NR2C1: variants seen among roughly 807,000 people sequenced by gnomAD.
NR2C1 encodes TR2 nuclear hormone receptor.
Under a neutral mutation model 74.8 loss-of-function variants are expected in NR2C1, and 33 were observed. The ratio of observed to expected loss-of-function variants is 0.44; its 90% confidence interval spans 0.33 to 0.59. NR2C1 has a LOEUF of 0.59. Among genes scored for constraint, NR2C1 ranks in the 20% least tolerant of loss-of-function variants. The pLI, the probability that NR2C1 is intolerant of heterozygous loss-of-function variation, is 0.02. For missense variants in NR2C1, 568 were observed against 715.6 expected, an observed-to-expected ratio of 0.79 and a Z score of 2.35; for synonymous variants, 225 against 240.6, an observed-to-expected ratio of 0.94 and a Z score of 0.60.
At chr12:95,067,454 C>G in intron 1 of NR2C1, 63 bp from the exon 2 acceptor site, 2 of 1,185,932 alleles carry the variant, frequency 1.7e-6, no homozygotes, top group Non-Finnish European at 2.5e-6. Flanking sequence ...AAATAATTTA[C>G]AAATAAAACT....
At chr12:95,050,531 A>C (rs1441501171) in intron 8 of NR2C1, among the ~76,000 whole-genome samples, 1 of 151,344 alleles carries the variant, frequency 6.6e-6, no homozygotes, top group Admixed American at 6.6e-5. Context: ...CTGGTCTCAA[A>C]CTCCTGACCT....
chr12:95,062,470 T>C (rs1202252642), intron 3 of NR2C1, 38 bp downstream of exon 3: 1 of 1,404,708 alleles, frequency 7.1e-7, no homozygotes, highest in Non-Finnish European at 9.7e-7. Flanking sequence ...TTTTTTTTTA[T>C]ATATGTAAGA....
chr12:95,028,875 C>T (rs1471883574), intron 11 of NR2C1, among the ~76,000 whole-genome samples: 1 of 152,074 alleles, frequency 6.6e-6, no homozygotes, highest in Admixed American at 6.5e-5. Context: ...GTGATTAGCC[C>T]ACCTGTGCCT....
chr12:95,026,207 C>CAA (rs757466478), intron 12 of NR2C1, among the ~76,000 whole-genome samples: 10 of 98,730 alleles, frequency 1.0e-4, no homozygotes, highest in Non-Finnish European at 1.3e-4. Flanking sequence ...ACTCCGTCTC[C>CAA]AAAAAAAAAA....
At chr12:95,054,288 C>T (rs1732171394) in intron 7 of NR2C1, among the ~76,000 whole-genome samples, 1 of 150,916 alleles carries the variant, frequency 6.6e-6, no homozygotes, top group Non-Finnish European at 1.5e-5. Flanking sequence ...TGGCTGACTG[C>T]CAAAGTCTAT....
In NR2C1 at chr12:95,057,962, G is replaced by A. The variant is rs139550322; in HGVS notation, c.545-84C>T. On this transcript the variant is annotated intron_variant, in intron 5 of 13. Coordinates refer to ENST00000333003, the MANE Select transcript of NR2C1 (RefSeq NM_003297.4). ...GTAAGCTGTAGGTAAGCTTAATGCTGCTAATAGGAGACATGGCTACCATAC... is the reference window on the plus strand; with the variant it reads ...GTAAGCTGTAGGTAAGCTTAATGCTACTAATAGGAGACATGGCTACCATAC... 1.9e-4 allele frequency: 208 copies of A among 1,111,620 alleles called. 1 individual carries two copies. In the African/African-American group the frequency reaches 2.6e-3, roughly 14 times the overall value. 68.9% of individuals were successfully genotyped at this position (1,111,620 alleles called of 1,614,324 possible).
At chr12:95,031,101 C>T (rs1870044409) in intron 11 of NR2C1, among the ~76,000 whole-genome samples, 1 of 152,204 alleles carries the variant, frequency 6.6e-6, no homozygotes, top group Non-Finnish European at 1.5e-5. Flanking sequence ...CAAAAATTCA[C>T]AAGGCCTGGT....
intron 1 of NR2C1, among the ~76,000 whole-genome samples, chr12:95,067,885 T>TC (rs1875967488): frequency 2.0e-5 from 3 of 147,732 alleles, no homozygotes; most frequent in Non-Finnish European, 3.0e-5. Flanking sequence ...TATCTTTTTT[T>TC]TTTTTTTTTT....
chr12:95,051,666 T>G, intron 8 of NR2C1, 96 bp downstream of exon 8: 4 of 1,122,876 alleles, frequency 3.6e-6, no homozygotes, highest in Non-Finnish European at 2.5e-6. Flanking sequence ...ATTTGTTTTC[T>G]GAAACTTTTA....
Position 95,025,249 on chromosome 12 carries a change from G to C in NR2C1, c.1538C>G (p.Pro513Arg), listed in dbSNP as rs1235695465. The C allele has an allele frequency of 6.4e-7, 1 of 1,566,538 alleles. No homozygotes were observed. The highest frequency in any genetic ancestry group is 8.7e-7 in the Non-Finnish European group (1 of 1,143,100). The change falls in exon 13 of 14, where the codon CCA (proline) becomes CGA (arginine). Residue 513 changes from proline (P) to arginine (R), a missense_variant. By Grantham distance (103) the Pro-to-Arg change is moderately radical. Transcript: ENST00000333003. ...KAIVLFSPDH[P>R]SLENMEQIEK... ...TATCTGTTCCATGTTTTCTAGGCTT[G>C]GATGATCTGAAACATTAAAGAAAAC...
rs368710314 is a variant in NR2C1, at chr12:95,057,617, A to G, written c.719T>C (p.Met240Thr). ...TCCAGATGGATGAATATTCATGAAC[A>G]TTCCTGAATCTAACAGTCCTGTTGA... ...TRSTGLLDSGMFMNIHPSGVK... is the reference protein window; with the variant it reads ...TRSTGLLDSGTFMNIHPSGVK... The change falls in exon 7 of 14, where the codon ATG (methionine) becomes ACG (threonine). Residue 240 changes from methionine (M) to threonine (T), a missense_variant. Transcript: ENST00000333003. 2.5e-6 allele frequency: 4 copies of G among 1,613,900 alleles called. No individual in the cohort carries two copies. The African/African-American group carries it at 4.0e-5, about 16-fold the overall frequency.
At chr12:95,056,802 C>CA (rs1434087289) in intron 7 of NR2C1, among the ~76,000 whole-genome samples, 3 of 151,668 alleles carry the variant, frequency 2.0e-5, no homozygotes, top group Non-Finnish European at 4.4e-5. Context: ...ACTAAAAATA[C>CA]AAAAAAATTA....
intron 10 of NR2C1, among the ~76,000 whole-genome samples, chr12:95,036,512 CT>C (rs776220936): frequency 4.9e-3 from 682 of 139,896 alleles, no homozygotes; most frequent in South Asian, 8.0e-3. Flanking sequence ...TGTGGGTTTA[CT>C]TTTTTTTTTT....
chr12:95,057,540 G>A lies in NR2C1; in HGVS notation c.783+13C>T, dbSNP rs749368731. On this transcript the variant is annotated intron_variant, in intron 7 of 13. Transcript: ENST00000333003. ...CTTAAAATTATCTAAGCTTTAAATT[G>A]TACTAAACACACCTTATCTGATGTC... 9 of 1,569,214 alleles carry A rather than the reference G, an allele frequency of 5.7e-6. No homozygotes were observed. Among genetic ancestry groups the A allele is most frequent in the Admixed American group, 1.8e-5 (1 of 55,194 alleles).
intron 10 of NR2C1, among the ~76,000 whole-genome samples, chr12:95,038,100 T>G (rs1428921686): frequency 6.6e-6 from 1 of 152,182 alleles, no homozygotes; most frequent in African/African-American, 2.4e-5. Context: ...GATCAAGTTA[T>G]TCTAATTACA....
chr12:95,067,119 G>T, intron 2 of NR2C1: 4 of 559,896 alleles, frequency 7.1e-6, no homozygotes, highest in East Asian at 6.3e-5. Flanking sequence ...TTTCTTCTGT[G>T]CTCCCATTGC....
At chr12:95,036,507 G>A (rs1456792475) in intron 10 of NR2C1, among the ~76,000 whole-genome samples, 1 of 150,032 alleles carries the variant, frequency 6.7e-6, no homozygotes, top group East Asian at 1.9e-4. Flanking sequence ...TATATTGTGG[G>A]TTTACTTTTT....
At chr12:95,049,307 G>T in intron 8 of NR2C1, 74 bp from the exon 9 acceptor site, 1 of 1,456,186 alleles carries the variant, frequency 6.9e-7, no homozygotes, top group African/African-American at 1.4e-5. Flanking sequence ...TAGGATTCTG[G>T]AATTAAGATT....
At chr12:95,057,709 C>A in intron 6 of NR2C1, 22 bp downstream of exon 6, 1 of 1,613,200 alleles carries the variant, frequency 6.2e-7, no homozygotes, top group Non-Finnish European at 8.5e-7. Flanking sequence ...TGACCAGCTA[C>A]TCAGTGTCTG....
Sources: gnomAD v4.1 joint callset for allele counts (sites outside exome capture counted in the v4.1 genomes callset) on GRCh38, gnomAD v4.1.1 for gene constraint, MANE v1.5 for transcripts, NCBI Gene and HGNC (gene_info 2026-07-23, HGNC 2026-07-21) for gene names.